Variants in SIGLEC6 observed in about 807,000 individuals in gnomAD.
SIGLEC6 encodes the protein sialic acid-binding Ig-like lectin 6.
SIGLEC6 carries 31 observed loss-of-function variants against 41.4 expected under a neutral mutation model. The ratio of observed to expected loss-of-function variants is 0.75; its 90% CI spans 0.56 to 1.01. The LOEUF is 1.01. Ranked by LOEUF, SIGLEC6 falls within the 50% of genes least tolerant of loss-of-function variation. The pLI is 0.00. For missense variants in SIGLEC6, 555 were observed against 558.6 expected, an observed-to-expected ratio of 0.99 and a Z score of 0.06; for synonymous variants, 217 against 231.0, an observed-to-expected ratio of 0.94 and a Z score of 0.55.
chr19:51,530,359 G>T, intron 4 of SIGLEC6, 78 bp downstream of exon 4: 2 of 1,323,476 alleles, frequency 1.5e-6, no homozygotes, highest in Non-Finnish European at 2.1e-6. Context: ...CTTAGTCCTG[G>T]CTTCTCATAT....
In SIGLEC6 at chr19:51,520,061, G is replaced by A. The variant is rs752791711; in HGVS notation, c.*21C>T. 3.3e-6 allele frequency: 5 copies of A among 1,522,934 alleles called. No homozygotes were observed. The highest frequency in any genetic ancestry group is 4.5e-6 in the Non-Finnish European group (5 of 1,116,942). The allele number at this position is 1,522,934 out of a possible 1,614,324, so 94.3% of individuals were successfully genotyped here. ...AGGTACCATGTTCTCTCCAATCAAG[G>A]TTATGGCTTTGGACAATTCCTCACT... On this transcript the variant is annotated 3_prime_UTR_variant, in exon 8 of 8. Transcript: ENST00000425629.
chr19:51,526,820 T>A (rs1375446297), intron 7 of SIGLEC6, among the ~76,000 whole-genome samples: 1 of 152,126 alleles, frequency 6.6e-6, no homozygotes, highest in Non-Finnish European at 1.5e-5. Flanking sequence ...ATTGAAGAGA[T>A]GAAAGATGAA....
Position 51,519,980 on chromosome 19 carries a change from A to G in SIGLEC6, c.*102T>C. 1 of 1,011,312 alleles carries G rather than the reference A, an allele frequency of 9.9e-7. No individual in the cohort carries two copies. The allele number at this position is 1,011,312 out of a possible 1,614,324, so 62.6% of individuals were successfully genotyped here. On this transcript the variant is annotated 3_prime_UTR_variant, in exon 8 of 8. Coordinates refer to ENST00000425629, the MANE Select transcript of SIGLEC6 (RefSeq NM_001245.7). ...TATACGAAAATAAAGTTCTGTGTTTATGTCACTCGGTTTGTGGTACATTGC... is the reference window on the plus strand; with the variant it reads ...TATACGAAAATAAAGTTCTGTGTTTGTGTCACTCGGTTTGTGGTACATTGC...
chr19:51,521,361 AGT>A (rs896098488), intron 7 of SIGLEC6, among the ~76,000 whole-genome samples: 5 of 151,304 alleles, frequency 3.3e-5, no homozygotes, highest in Non-Finnish European at 5.9e-5. Context: ...TTTATACTGG[AGT>A]GTGTGTGTGT....
chr19:51,520,089 T>C lies in SIGLEC6; in HGVS notation c.1355A>G (p.His452Arg). The C allele has an allele frequency of 6.4e-7, 1 of 1,563,798 alleles. No individual in the cohort carries two copies. The highest frequency in any genetic ancestry group is 8.7e-7 in the Non-Finnish European group (1 of 1,143,104). ...ATGGCTTTGGACAATTCCTCACTTG[T>C]GTATCTTGATTTCTGAGTACTCAGT... Reference protein sequence around the residue: ...TDTEYSEIKIHK With the variant: ...TDTEYSEIKIRK The change falls in exon 8 of 8, where the codon CAC becomes CGC. Residue 452 changes from histidine to arginine, a missense_variant. Transcript: ENST00000425629.
intron 7 of SIGLEC6, among the ~76,000 whole-genome samples, chr19:51,527,164 G>T (rs563827985): frequency 2.6e-5 from 4 of 152,310 alleles, no homozygotes; most frequent in African/African-American, 7.2e-5. Context: ...CTCTAGAGAG[G>T]TCAGCATGCA....
rs1301022370 is a variant in SIGLEC6, at chr19:51,518,030, T to G, written c.*2052A>C. ...TCATTTTGCTCACATATTTGCTACT[T>G]TCCTAGGTTTTCATTTTTTTTGGAT... On this transcript the variant is annotated 3_prime_UTR_variant, in exon 8 of 8. Coordinates refer to ENST00000425629, the MANE Select transcript of SIGLEC6 (RefSeq NM_001245.7). 6.6e-6 allele frequency among the ~76,000 whole-genome samples: 1 copy of G among 152,214 alleles called. No individual in the cohort carries two copies. The highest frequency in any genetic ancestry group is 2.4e-5 in the African/African-American group (1 of 41,464).
chr19:51,528,009 G>A (rs978125813), intron 6 of SIGLEC6, 151 bp downstream of exon 6: 17 of 865,060 alleles, frequency 2.0e-5, no homozygotes, highest in South Asian at 6.5e-5. Flanking sequence ...GCTGGTCAAC[G>A]GGGTAATTCA....
chr19:51,526,096 C>A (rs1979181228), intron 7 of SIGLEC6, among the ~76,000 whole-genome samples: 1 of 152,182 alleles, frequency 6.6e-6, no homozygotes, highest in South Asian at 2.1e-4. Context: ...CAATTGGCAG[C>A]AGCTCTGCAT....
chr19:51,523,365 T>C (rs1568545986), intron 7 of SIGLEC6, among the ~76,000 whole-genome samples: 1 of 151,956 alleles, frequency 6.6e-6, no homozygotes, highest in Non-Finnish European at 1.5e-5. Context: ...CTGACACAGG[T>C]GCAACTGGGA....
rs778781121 is a variant in SIGLEC6 at position 51,520,167 on chromosome 19, T to C, written c.1277A>G (p.Tyr426Cys). The C allele has an allele frequency of 2.5e-6, 4 of 1,609,780 alleles. No individual in the cohort carries two copies. Among genetic ancestry groups the C allele is most frequent in the South Asian group, 2.2e-5 (2 of 90,632 alleles). Residue 426 changes from tyrosine (Y) to cysteine (C), a missense_variant, in exon 8 of 8, where the codon TAC becomes TGC. Tyr to Cys is a radical substitution (Grantham distance 194, BLOSUM62 -2). Coordinates refer to ENST00000425629, the MANE Select transcript of SIGLEC6 (RefSeq NM_001245.7). ...CACCTTGTGGAAGTGTAGGACAGCG[T>C]AGTGGAGCTCCTGCTCATCTTCTGA... The part of the protein sequence containing the change: ...PISEDEQELH[Y>C]AVLHFHKVQP...
intron 7 of SIGLEC6, among the ~76,000 whole-genome samples, chr19:51,525,071 C>T (rs1978979662): frequency 6.6e-6 from 1 of 152,186 alleles, no homozygotes; most frequent in Non-Finnish European, 1.5e-5. Context: ...AGCAGCTGGG[C>T]ACCAGGTGTC....
intron 5 of SIGLEC6, among the ~76,000 whole-genome samples, chr19:51,528,731 C>T (rs538689094): frequency 2.2e-4 from 33 of 151,982 alleles, no homozygotes; most frequent in African/African-American, 7.7e-4. Flanking sequence ...ACCTGTAATC[C>T]CATCATTTTG....
intron 7 of SIGLEC6, among the ~76,000 whole-genome samples, chr19:51,520,613 G>A (rs117039270): frequency 0.02 from 3,074 of 152,146 alleles, 51 homozygotes; most frequent in Middle Eastern, 0.051. Context: ...TGGGCTCAAG[G>A]AATCCACCCA....
rs1979455844 is a variant in SIGLEC6 at position 51,527,630 on chromosome 19, C to T, written c.1188+117G>A. 1.2e-5 allele frequency: 9 copies of T among 778,882 alleles called. No individual in the cohort carries two copies. The South Asian group carries it at 1.7e-4, about 14-fold the overall frequency. 48.2% of individuals were successfully genotyped at this position (778,882 alleles called of 1,614,324 possible). A position where few individuals can be genotyped will look rare whatever the true frequency, so the allele number is the denominator to read the frequency against. ...TTACTGAGTCAAAAATTTAAAATGTCACATGTGGAACCGCAGGGAATGTCA... is the reference window on the plus strand; with the variant it reads ...TTACTGAGTCAAAAATTTAAAATGTTACATGTGGAACCGCAGGGAATGTCA... On this transcript the variant is annotated intron_variant, in intron 7 of 7. Transcript: ENST00000425629.
In SIGLEC6 at chr19:51,528,141, C is replaced by T. The variant is rs888089058; in HGVS notation, c.1106+19G>A. On this transcript the variant is annotated intron_variant, in intron 6 of 7. Coordinates refer to ENST00000425629, the MANE Select transcript of SIGLEC6 (RefSeq NM_001245.7). ...TCCCACATGAAGTCTTTCTGTGCCT[C>T]CCTGGAGCCCACTCTCACCTGAAGA... The T allele has an allele frequency of 3.1e-6, 5 of 1,609,470 alleles. No homozygotes were observed. Among genetic ancestry groups the T allele is most frequent in the South Asian group, 1.1e-5 (1 of 90,998 alleles).
At chr19:51,529,574 T>C in intron 5 of SIGLEC6, 150 bp downstream of exon 5, 4 of 938,410 alleles carry the variant, frequency 4.3e-6, no homozygotes, top group South Asian at 1.6e-5. Context: ...CACTGCAGTG[T>C]GGACTCTAAG....
chr19:51,530,989 G>A (rs2122485108), intron 2 of SIGLEC6, 30 bp from the exon 3 acceptor site: 2 of 1,601,038 alleles, frequency 1.2e-6, no homozygotes, highest in Non-Finnish European at 8.5e-7. Flanking sequence ...GCAGGATCAG[G>A]ATGGAGGTCT....
chr19:51,526,713 AGACGAAAAATTCAGAATCTG>A, intron 7 of SIGLEC6, among the ~76,000 whole-genome samples: 1 of 152,344 alleles, frequency 6.6e-6, no homozygotes, highest in South Asian at 2.1e-4. Context: ...ATAAAATAAC[AGACGAAAAATTCAGAATCTG>A]GATGACAATC....
Sources: gnomAD v4.1 joint callset for allele counts (sites outside exome capture counted in the v4.1 genomes callset) on GRCh38, gnomAD v4.1.1 for gene constraint, MANE v1.5 for transcripts, NCBI Gene and HGNC (gene_info 2026-07-23, HGNC 2026-07-21) for gene names.